Variants in RIPK4 observed in about 807,000 individuals in gnomAD.
RIPK4 encodes receptor-interacting serine/threonine-protein kinase 4.
In RIPK4, 17 loss-of-function variants were observed where a neutral mutation model predicts 42.9. The observed-to-expected ratio is 0.40, with a 90% confidence interval of 0.27 to 0.59. The LOEUF is 0.59. Ranked by LOEUF, RIPK4 falls within the 20% of genes least tolerant of loss-of-function variation. The pLI is 0.47. For synonymous variants in RIPK4, 498 were observed against 499.1 expected (o/e 1.00, Z 0.03); for missense variants, 897 against 1,104.4 (o/e 0.81, Z 2.66).
chr21:41,761,863 C>T (rs902335128), intron 1 of RIPK4, among the ~76,000 whole-genome samples: 1 of 152,160 alleles, frequency 6.6e-6, no homozygotes, highest in African/African-American at 2.4e-5. Context: ...GCAGAGTGAG[C>T]TCATTGGCGA....
chr21:41,744,196 C>T (rs190658394), intron 6 of RIPK4, 56 bp from the exon 7 acceptor site: 186 of 1,479,206 alleles, frequency 1.3e-4, no homozygotes, highest in Middle Eastern at 1.3e-3. Context: ...CCGCATGGCC[C>T]GCCCATGACA....
intron 2 of RIPK4, among the ~76,000 whole-genome samples, chr21:41,753,846 G>A (rs1351784189): frequency 6.6e-6 from 1 of 152,050 alleles, no homozygotes; most frequent in Non-Finnish European, 1.5e-5. Context: ...TGGGCTAACT[G>A]GACATATAAA....
rs943507098 is a variant in RIPK4, at chr21:41,740,649, G to C, written c.*189C>G. The stretch of plus-strand genomic sequence containing the variant: ...GATGATGGAGCGGGCATGTGCACCT[G>C]AGCCAGCTTCACCTGGAGGGGACAC... On this transcript the variant is annotated 3_prime_UTR_variant, in exon 8 of 8. Coordinates refer to ENST00000332512, the MANE Select transcript of RIPK4 (RefSeq NM_020639.3). 3.0e-5 allele frequency: 18 copies of C among 608,510 alleles called. No individual in the cohort carries two copies. Among genetic ancestry groups the C allele is most frequent in the East Asian group, 8.5e-5 (3 of 35,160 alleles). The allele number at this position is 608,510 out of a possible 1,614,324, so 37.7% of individuals were successfully genotyped here. A position where few individuals can be genotyped will look rare whatever the true frequency, so the allele number is the denominator to read the frequency against.
chr21:41,751,854 C>T lies in RIPK4; in HGVS notation c.475-609G>A, dbSNP rs2061189513. 2.6e-5 allele frequency among the ~76,000 whole-genome samples: 4 copies of T among 152,236 alleles called. No homozygotes were observed. The South Asian group carries it at 8.3e-4, about 32-fold the overall frequency. ...GTGATCAGCAGACACTGGCTGGCTG[C>T]TTCAAACACATGTGTTCGAGTGAAG... On this transcript the variant is annotated intron_variant, in intron 2 of 7. Transcript: ENST00000332512. The surrounding 1 kb of genome is among the most constrained non-coding windows in gnomAD (Gnocchi z 4.5).
intron 1 of RIPK4, among the ~76,000 whole-genome samples, chr21:41,757,876 G>A (rs950001609): frequency 6.8e-6 from 1 of 146,960 alleles, no homozygotes. Flanking sequence ...GCGCCTGCCT[G>A]TAATCCCAGC....
chr21:41,744,744 A>G (rs544797896), intron 6 of RIPK4, among the ~76,000 whole-genome samples: 8 of 152,226 alleles, frequency 5.3e-5, no homozygotes, highest in Admixed American at 5.2e-4. Context: ...CGTGGCCACA[A>G]CTGCGACCTC....
rs765909147 is a variant in RIPK4, at chr21:41,742,113, C to T, written c.1196-116G>A. The T allele has an allele frequency of 5.6e-6, 5 of 887,310 alleles. No individual in the cohort carries two copies. Among genetic ancestry groups the T allele is most frequent in the African/African-American group, 3.3e-5 (2 of 59,938 alleles). 55.0% of individuals were successfully genotyped at this position (887,310 alleles called of 1,614,324 possible). On this transcript the variant is annotated intron_variant, in intron 7 of 7. Transcript: ENST00000332512. The surrounding 1 kb of genome is among the most constrained non-coding windows in gnomAD (Gnocchi z 5.1). The stretch of plus-strand genomic sequence containing the variant: ...GGAGTGCCATGGCCTCCAGGCTGCT[C>T]GCTGGTCACCCGACTGTGTTTGAGC...
At chr21:41,758,055 G>C (rs1466687812) in intron 1 of RIPK4, among the ~76,000 whole-genome samples, 1 of 128,082 alleles carries the variant, frequency 7.8e-6, no homozygotes, top group Non-Finnish European at 1.6e-5. Context: ...GAGAGAGAGA[G>C]AGAGAGAGAG....
intron 5 of RIPK4, 22 bp downstream of exon 5, chr21:41,746,591 G>A (rs376489105): frequency 2.2e-4 from 360 of 1,604,000 alleles, no homozygotes; most frequent in Non-Finnish European, 2.9e-4. Context: ...AGAATGTGGC[G>A]GGGAGACCCC....
rs2061149027 is a variant in RIPK4 at position 41,740,463 on chromosome 21, A to G, written c.*375T>C. The G allele has an allele frequency of 4.3e-6, 1 of 230,644 alleles. No homozygotes were observed. The highest frequency in any genetic ancestry group is 1.5e-4 in the South Asian group (1 of 6,474). The allele number at this position is 230,644 out of a possible 1,614,324, so 14.3% of individuals were successfully genotyped here. A position where few individuals can be genotyped will look rare whatever the true frequency, so the allele number is the denominator to read the frequency against. On this transcript the variant is annotated 3_prime_UTR_variant, in exon 8 of 8. Coordinates refer to ENST00000332512, the MANE Select transcript of RIPK4 (RefSeq NM_020639.3). Reference sequence around the variant, plus strand: ...CACAGTTTCCCCTGCACCTCCCTCAAGACTGGTGAGCTCCAGCAACCCAAG... The same window carrying G: ...CACAGTTTCCCCTGCACCTCCCTCAGGACTGGTGAGCTCCAGCAACCCAAG...
At chr21:41,763,207 C>G (rs981111538) in intron 1 of RIPK4, among the ~76,000 whole-genome samples, 5 of 152,180 alleles carry the variant, frequency 3.3e-5, no homozygotes, top group African/African-American at 1.2e-4. Context: ...TTTAAAGATA[C>G]GGTGAGTAGC....
Position 41,756,814 on chromosome 21 carries a change from TC to T in RIPK4, c.184del (p.Glu62SerfsTer68). Reference sequence around the variant, plus strand: ...GGCTTCTTCCAAAAGCTCCATGCGCTCCCTGAAAAAGTTCAAAGGCATGAAG... The same window carrying T: ...GGCTTCTTCCAAAAGCTCCATGCGCTCCTGAAAAAGTTCAAAGGCATGAAG... ...CSPSLHVDDR[E>X]RMELLEEAKK... On this transcript the variant is annotated frameshift_variant and splice_region_variant, in exon 2 of 8. Coordinates refer to ENST00000332512, the MANE Select transcript of RIPK4 (RefSeq NM_020639.3). LOFTEE classifies it high-confidence loss of function. The T allele has an allele frequency of 6.2e-7, 1 of 1,610,766 alleles. No individual in the cohort carries two copies. Among genetic ancestry groups the T allele is most frequent in the Non-Finnish European group, 8.5e-7 (1 of 1,177,438 alleles).
At chr21:41,747,460 T>C (rs1240947163) in intron 4 of RIPK4, among the ~76,000 whole-genome samples, 3 of 152,234 alleles carry the variant, frequency 2.0e-5, no homozygotes, top group African/African-American at 7.2e-5. Context: ...AAGTTCTTTT[T>C]TCTGCTTAGC....
Position 41,756,516 on chromosome 21 carries a change from GC to G in RIPK4, c.474+8del, listed in dbSNP as rs751391190. The G allele has an allele frequency of 3.1e-6, 5 of 1,609,570 alleles. No individual in the cohort carries two copies. The highest frequency in any genetic ancestry group is 1.1e-5 in the South Asian group (1 of 90,944). On this transcript the variant is annotated splice_region_variant and intron_variant, in intron 2 of 7. Transcript: ENST00000332512. ...GCCCAGCTCTCTCGGGCACCGTGCG[GC>G]CCCCCACCTTGACGTGGTAGTGGGC... is the stretch of plus-strand genomic sequence containing the variant.
Position 41,741,160 on chromosome 21 carries a change from G to A in RIPK4, c.2033C>T (p.Ala678Val). Residue 678 changes from alanine to valine, a missense_variant, in exon 8 of 8, where the codon GCC (alanine) becomes GTC (valine). By Grantham distance (64) the Ala-to-Val change is moderately conservative. Coordinates refer to ENST00000332512, the MANE Select transcript of RIPK4 (RefSeq NM_020639.3). ...GACAGTGGCCAGGTGTCCGTTGCGG[G>A]CAGCCAGGTGCAGAGCGGTGTAGCC... Reference protein sequence around the residue: ...SDGYTALHLAARNGHLATVKL... With the variant: ...SDGYTALHLAVRNGHLATVKL... The A allele has an allele frequency of 6.2e-7, 1 of 1,612,658 alleles. No individual in the cohort carries two copies.
intron 2 of RIPK4, among the ~76,000 whole-genome samples, chr21:41,753,366 CAGAT>C (rs1183512452): frequency 2.0e-5 from 3 of 152,206 alleles, no homozygotes; most frequent in African/African-American, 7.2e-5. Flanking sequence ...CTGTCTTTGT[CAGAT>C]AGAGCCAGCC....
At position 41,766,903 on chromosome 21, in the gene RIPK4, A is replaced by G. The variant is rs1287823467; in HGVS notation, c.139T>C (p.Trp47Arg). The G allele has an allele frequency of 6.2e-7, 1 of 1,610,416 alleles. No homozygotes were observed. The highest frequency in any genetic ancestry group is 8.5e-7 in the Non-Finnish European group (1 of 1,178,818). Reference protein sequence around the residue: ...YKVRHVHWKTWLAIKCSPSLH... With the variant: ...YKVRHVHWKTRLAIKCSPSLH... ...CTGGGCGAGCACTTGATGGCCAGCC[A>G]GGTCTTCCAGTGGACATGGCGCACC... is the stretch of plus-strand genomic sequence containing the variant. The change falls in exon 1 of 8, where the codon TGG becomes CGG. Residue 47 changes from tryptophan (W) to arginine (R), a missense_variant. Transcript: ENST00000332512.
intron 1 of RIPK4, among the ~76,000 whole-genome samples, chr21:41,758,517 A>G (rs145406748): frequency 6.6e-6 from 1 of 152,304 alleles, no homozygotes; most frequent in Non-Finnish European, 1.5e-5. Flanking sequence ...ATCTGCACAC[A>G]TTGGGGGACA....
chr21:41,757,998 C>CCAAAAAAAAA (rs1479763213), intron 1 of RIPK4, among the ~76,000 whole-genome samples: 10 of 13,074 alleles, frequency 7.6e-4, no homozygotes, highest in African/African-American at 3.5e-3. Context: ...GACTCCATAA[C>CCAAAAAAAAA]AAAAAAAAAA....
Sources: allele counts gnomAD v4.1 joint callset (sites outside exome capture counted in the v4.1 genomes callset), GRCh38; gene constraint gnomAD v4.1.1; non-coding constraint Gnocchi (gnomAD v3.1); transcripts MANE v1.5; gene names NCBI Gene and HGNC (gene_info 2026-07-23, HGNC 2026-07-21).